Variants in ANKRD17 observed in about 807,000 individuals in gnomAD.
ANKRD17 encodes the protein ankyrin repeat domain 17.
Under a neutral mutation model 229.7 loss-of-function variants are expected in ANKRD17, and 19 were observed. That is an observed-to-expected ratio of 0.08 (90% CI 0.06 to 0.12). ANKRD17 has a LOEUF of 0.12. Among genes scored for constraint, ANKRD17 ranks in the 10% least tolerant of loss-of-function variants. ANKRD17 has a pLI of 1.00. For synonymous variants in ANKRD17, 1,112 were observed against 1,146.1 expected, an observed-to-expected ratio of 0.97 and a Z score of 0.60; for missense variants, 2,176 against 3,176.8, an observed-to-expected ratio of 0.68 and a Z score of 7.57.
At chr4:73,242,594 G>A in intron 1 of ANKRD17, among the ~76,000 whole-genome samples, 1 of 152,148 alleles carries the variant, frequency 6.6e-6, no homozygotes, top group Non-Finnish European at 1.5e-5. Context: ...TACAAAAGAT[G>A]ATTCTAAAGC....
At chr4:73,179,488 G>GTGTGTATATATATATA (rs1491132715) in intron 1 of ANKRD17, among the ~76,000 whole-genome samples, 3 of 48,240 alleles carry the variant, frequency 6.2e-5, no homozygotes, top group African/African-American at 8.8e-5. Flanking sequence ...GTGTGTGTGT[G>GTGTGTATATATATATA]TATATATATA....
chr4:73,213,070 G>A (rs1268867286), intron 1 of ANKRD17, among the ~76,000 whole-genome samples: 1 of 151,072 alleles, frequency 6.6e-6, no homozygotes, highest in Non-Finnish European at 1.5e-5. Context: ...TTTAGAAGCT[G>A]AGTGGATAGA....
intron 1 of ANKRD17, among the ~76,000 whole-genome samples, chr4:73,232,114 C>G (rs1235785855): frequency 6.6e-6 from 1 of 152,102 alleles, no homozygotes; most frequent in Non-Finnish European, 1.5e-5. Context: ...TCATGAGAAC[C>G]CTGATTTATA....
chr4:73,122,080 T>C (rs541043092), intron 18 of ANKRD17, among the ~76,000 whole-genome samples: 1 of 152,294 alleles, frequency 6.6e-6, no homozygotes, highest in East Asian at 1.9e-4. Context: ...TAGAGTAATA[T>C]GGGACAAGAT....
chr4:73,108,967 A>G (rs1724971864), intron 24 of ANKRD17, among the ~76,000 whole-genome samples: 2 of 152,232 alleles, frequency 1.3e-5, no homozygotes, highest in African/African-American at 4.8e-5. Context: ...AGGAGAAACC[A>G]TATAGGATCT....
intron 1 of ANKRD17, among the ~76,000 whole-genome samples, chr4:73,222,132 A>C (rs1741938000): frequency 1.3e-5 from 2 of 152,272 alleles, no homozygotes; most frequent in South Asian, 4.1e-4. Flanking sequence ...CCCAGGTTTT[A>C]TCTAATGAGG....
At chr4:73,161,895 G>A (rs1198605857) in intron 2 of ANKRD17, among the ~76,000 whole-genome samples, 1 of 151,504 alleles carries the variant, frequency 6.6e-6, no homozygotes, top group Non-Finnish European at 1.5e-5. Context: ...ATTTCTTTTC[G>A]AGACAGGGTC....
At chr4:73,149,325 G>C (rs1245187929) in intron 7 of ANKRD17, among the ~76,000 whole-genome samples, 4 of 152,018 alleles carry the variant, frequency 2.6e-5, no homozygotes, top group African/African-American at 9.7e-5. Context: ...AAAACAGTAA[G>C]TATGTGAAAT....
Position 73,124,932 on chromosome 4 carries a change from C to G in ANKRD17, c.3473G>C (p.Cys1158Ser). The G allele has an allele frequency of 6.2e-7, 1 of 1,614,078 alleles. No homozygotes were observed. The highest frequency in any genetic ancestry group is 1.3e-5 in the African/African-American group (1 of 75,034). Residue 1158 changes from cysteine (C) to serine (S), a missense_variant, in exon 18 of 34, where the codon TGT becomes TCT. Physicochemically the swap from Cys to Ser is moderately radical, Grantham distance 112. Coordinates refer to ENST00000358602, the MANE Select transcript of ANKRD17 (RefSeq NM_032217.5). ...RTKDTPLSLACSGGRQEVVEL... is the reference protein window; with the variant it reads ...RTKDTPLSLASSGGRQEVVEL... ...CATTACCTCCTGTCTTCCCCCAGAACAAGCCAAGGAGAGTGGTGTGTCCTT... is the reference window on the plus strand; with the variant it reads ...CATTACCTCCTGTCTTCCCCCAGAAGAAGCCAAGGAGAGTGGTGTGTCCTT...
chr4:73,118,323 T>C (rs1281252898), intron 22 of ANKRD17, among the ~76,000 whole-genome samples: 1 of 152,124 alleles, frequency 6.6e-6, no homozygotes, highest in Non-Finnish European at 1.5e-5. Flanking sequence ...GTGATATTTT[T>C]CTCTGTAGTG....
intron 16 of ANKRD17, among the ~76,000 whole-genome samples, chr4:73,128,889 T>C (rs1446544122): frequency 6.6e-6 from 1 of 152,120 alleles, no homozygotes. Context: ...AAATAGAAAT[T>C]TGGGTTAATA....
chr4:73,258,322 CTGT>C lies in ANKRD17; in HGVS notation c.344_346del (p.Asn115del). 1.2e-6 allele frequency: 2 copies of C among 1,613,738 alleles called. No individual in the cohort carries two copies. Among genetic ancestry groups the C allele is most frequent in the Non-Finnish European group, 1.7e-6 (2 of 1,180,008 alleles). On this transcript the variant is annotated inframe_deletion, in exon 1 of 34. Transcript: ENST00000358602. ...GTCGTCGTCGTCCTCTTCTTCCTCG[CTGT>C]TGTTACTGCTGGTGCCGCCGCCGCC...
chr4:73,238,924 T>C lies in ANKRD17; in HGVS notation c.393+19352A>G, dbSNP rs78158520. 1.9e-3 allele frequency among the ~76,000 whole-genome samples: 285 copies of C among 152,260 alleles called. 1 individual carries two copies. The highest frequency in any genetic ancestry group is 6.6e-3 in the African/African-American group (273 of 41,576). The stretch of plus-strand genomic sequence containing the variant: ...CCTTGATTTTTTCAACTACAAAGTG[T>C]AGATACTATGTACCTCTTAGAACTG... On this transcript the variant is annotated intron_variant, in intron 1 of 33. Transcript: ENST00000358602.
intron 1 of ANKRD17, among the ~76,000 whole-genome samples, chr4:73,217,848 G>C (rs4694157): frequency 0.36 from 55,333 of 151,976 alleles, 10,601 homozygotes; most frequent in South Asian, 0.46. Context: ...ATCTCATGTG[G>C]GTCCCATCCC....
rs1157719883 is a variant in ANKRD17 at position 73,226,389 on chromosome 4, G to GTTTTTTT, written c.393+31880_393+31886dup. ...TAATAGTAATAATTTCTTTTCTTCT[G>GTTTTTTT]TTTTTTTTTTTTTTTTTTTTTTTGA... On this transcript the variant is annotated intron_variant, in intron 1 of 33. Coordinates refer to ENST00000358602, the MANE Select transcript of ANKRD17 (RefSeq NM_032217.5). Among the ~76,000 whole-genome samples, 98 of 87,618 alleles carry GTTTTTTT rather than the reference G, an allele frequency of 1.1e-3. 1 individual carries two copies. The highest frequency in any genetic ancestry group is 1.4e-3 in the Non-Finnish European group (66 of 47,638). 57.5% of individuals were successfully genotyped at this position (87,618 alleles called of 152,430 possible).
rs1285069964 is a variant in ANKRD17, at chr4:73,142,698, T to A, written c.2027A>T (p.His676Leu). 1 of 1,614,070 alleles carries A rather than the reference T, an allele frequency of 6.2e-7. No homozygotes were observed. Among genetic ancestry groups the A allele is most frequent in the Admixed American group, 1.7e-5 (1 of 60,010 alleles). Residue 676 changes from histidine (H) to leucine (L), a missense_variant, in exon 12 of 34, where the codon CAT becomes CTT. Physicochemically the swap from His to Leu is moderately conservative, Grantham distance 99 (BLOSUM62 -3). Around this residue, in one of 18 missense-constraint regions of ANKRD17, gnomAD observed 275 missense variants for 386.9 expected, o/e 0.71. Transcript: ENST00000358602. ...CAAAAGTAGTTCCACCACTGCCAGA[T>A]GACCCCCTGCACAAGCCAGGGACAG... is the stretch of plus-strand genomic sequence containing the variant. Reference protein sequence around the residue: ...TVLSLACAGGHLAVVELLLAH... With the variant: ...TVLSLACAGGLLAVVELLLAH...
intron 8 of ANKRD17, among the ~76,000 whole-genome samples, 180 bp downstream of exon 8, chr4:73,148,633 T>C (rs752285302): frequency 6.6e-6 from 1 of 152,218 alleles, no homozygotes; most frequent in Non-Finnish European, 1.5e-5. Flanking sequence ...GAAAGAAGTT[T>C]CTTTGATTTT....
At chr4:73,241,888 G>C (rs1190927654) in intron 1 of ANKRD17, among the ~76,000 whole-genome samples, 1 of 151,942 alleles carries the variant, frequency 6.6e-6, no homozygotes, top group Non-Finnish European at 1.5e-5. Flanking sequence ...TCACCATATG[G>C]ACATACTGAA....
At chr4:73,202,101 A>G (rs1738746388) in intron 1 of ANKRD17, among the ~76,000 whole-genome samples, 1 of 152,094 alleles carries the variant, frequency 6.6e-6, no homozygotes, top group Non-Finnish European at 1.5e-5. Context: ...CTTTAGCATA[A>G]TTCTCTCCAC....
Sources: gnomAD v4.1 joint callset for allele counts (sites outside exome capture counted in the v4.1 genomes callset) on GRCh38, gnomAD v4.1.1 for gene constraint, gnomAD v4.1.1 regional missense constraint, MANE v1.5 for transcripts, NCBI Gene and HGNC (gene_info 2026-07-23, HGNC 2026-07-21) for gene names.